Variants in TENM2 observed in about 807,000 individuals in gnomAD.
The protein encoded by TENM2 is teneurin transmembrane protein 2.
In TENM2, 52 loss-of-function variants were observed where a neutral mutation model predicts 245.2. That is an observed-to-expected ratio of 0.21 (90% CI 0.17 to 0.27). The LOEUF (loss-of-function observed/expected upper bound fraction) is 0.27, where lower values mean the gene tolerates loss of function less well. Among genes scored for constraint, TENM2 ranks in the 10% least tolerant of loss-of-function variants. The pLI, the probability that TENM2 is intolerant of heterozygous loss-of-function variation, is 1.00. For synonymous variants in TENM2, 1,363 were observed against 1,438.9 expected (o/e 0.95, Z 1.19); for missense variants, 3,046 against 3,666.8 (o/e 0.83, Z 4.37).
At chr5:167,445,562 A>C (rs1292541330) in intron 2 of TENM2, among the ~76,000 whole-genome samples, 5 of 152,152 alleles carry the variant, frequency 3.3e-5, no homozygotes, top group Non-Finnish European at 5.9e-5. Context: ...AAATTGTTTT[A>C]AATGGAACTT....
chr5:167,592,728 G>T (rs1461494786), intron 2 of TENM2, among the ~76,000 whole-genome samples: 1 of 152,128 alleles, frequency 6.6e-6, no homozygotes, highest in Non-Finnish European at 1.5e-5. Context: ...CATATTCAAA[G>T]TTATGTGGAC....
intron 3 of TENM2, among the ~76,000 whole-genome samples, chr5:167,932,684 A>AT (rs1043185163): frequency 2.6e-5 from 4 of 151,748 alleles, no homozygotes; most frequent in African/African-American, 9.7e-5. Flanking sequence ...AGAATCAGCA[A>AT]TTTTTTTTTC....
chr5:167,722,615 A>T (rs769997864), intron 2 of TENM2, among the ~76,000 whole-genome samples: 7 of 152,128 alleles, frequency 4.6e-5, no homozygotes, highest in Non-Finnish European at 8.8e-5. Context: ...CTCTACTAAA[A>T]ATACAAAAAT....
the TENM2 span, among the ~76,000 whole-genome samples, chr5:167,028,609 A>G: frequency 6.6e-6 from 1 of 152,102 alleles, no homozygotes; most frequent in Admixed American, 6.6e-5. Context: ...AAAACAATAT[A>G]TTAGATATAT....
intron 2 of TENM2, among the ~76,000 whole-genome samples, chr5:167,692,621 A>T (rs1432047936): frequency 1.3e-5 from 2 of 152,196 alleles, no homozygotes; most frequent in Non-Finnish European, 2.9e-5. Flanking sequence ...ATATACCTCC[A>T]AGCCACTTCC....
intron 2 of TENM2, among the ~76,000 whole-genome samples, chr5:167,818,963 A>C (rs1318663997): frequency 6.6e-6 from 1 of 152,116 alleles, no homozygotes; most frequent in Non-Finnish European, 1.5e-5. Flanking sequence ...CAACACACTC[A>C]CGTGACATCA....
chr5:168,247,252 C>A lies in TENM2; in HGVS notation c.6313C>A (p.Pro2105Thr). The change falls in exon 27 of 29, where the codon CCC becomes ACC. Residue 2105 changes from proline (P) to threonine (T), a missense_variant. Around this residue, in one of 2 missense-constraint regions of TENM2, gnomAD observed 2,704 missense variants for 3,331.9 expected, o/e 0.81. Coordinates refer to ENST00000518659, the Ensembl canonical transcript of TENM2. The surrounding 1 kb of genome is among the most constrained non-coding windows in gnomAD (Gnocchi z 7.8). ...CAGCTTCCGCATCGCAAGCATCAAG[C>A]CCGTCATAAGTGAGACTCCCCTCCC... 2 of 1,613,948 alleles carry A rather than the reference C, an allele frequency of 1.2e-6. No homozygotes were observed. Among genetic ancestry groups the A allele is most frequent in the South Asian group, 2.2e-5 (2 of 91,078 alleles).
chr5:167,713,037 T>C (rs1326693634), intron 2 of TENM2, among the ~76,000 whole-genome samples: 1 of 152,186 alleles, frequency 6.6e-6, no homozygotes, highest in African/African-American at 2.4e-5. Flanking sequence ...TATGTATGTA[T>C]GAACATCCAT....
intron 3 of TENM2, among the ~76,000 whole-genome samples, chr5:167,913,446 C>G (rs1379751525): frequency 1.3e-5 from 2 of 152,166 alleles, no homozygotes; most frequent in Non-Finnish European, 2.9e-5. Context: ...CTTTTCTCGA[C>G]AGGATATTGG....
chr5:167,265,331 C>CAAA, the TENM2 span, among the ~76,000 whole-genome samples: 787 of 39,358 alleles, frequency 0.02, 74 homozygotes, highest in African/African-American at 0.059. Flanking sequence ...GACTCTGTCT[C>CAAA]AAAAAAAAAA....
the TENM2 span, among the ~76,000 whole-genome samples, chr5:167,242,610 T>G: frequency 6.6e-6 from 1 of 152,204 alleles, no homozygotes; most frequent in African/African-American, 2.4e-5. Context: ...TTTATGATGA[T>G]CCACTTTCAC....
chr5:168,258,230 A>C (rs192361019), intron 27 of TENM2, among the ~76,000 whole-genome samples: 2 of 152,230 alleles, frequency 1.3e-5, no homozygotes, highest in East Asian at 3.9e-4. Flanking sequence ...GGCCGGGTGC[A>C]GTGGCTCATG....
At chr5:167,238,188 A>G in the TENM2 span, among the ~76,000 whole-genome samples, 1 of 152,158 alleles carries the variant, frequency 6.6e-6, no homozygotes, top group African/African-American at 2.4e-5. Context: ...AGAGCGTTAT[A>G]CAATTAAAAT....
At chr5:167,570,237 C>G (rs1774178291) in intron 2 of TENM2, among the ~76,000 whole-genome samples, 1 of 152,084 alleles carries the variant, frequency 6.6e-6, no homozygotes, top group Non-Finnish European at 1.5e-5. Context: ...GCAAACAAAT[C>G]TGCACTTGAT....
chr5:167,929,993 C>G (rs1778155919), intron 3 of TENM2, among the ~76,000 whole-genome samples: 5 of 152,208 alleles, frequency 3.3e-5, no homozygotes, highest in Admixed American at 3.3e-4. Context: ...ACACTGTTAT[C>G]TTGCCAGAAA....
chr5:167,768,062 C>G (rs1280632420), intron 2 of TENM2, among the ~76,000 whole-genome samples: 1 of 152,190 alleles, frequency 6.6e-6, no homozygotes, highest in African/African-American at 2.4e-5. Context: ...TGTTCATTCT[C>G]TCCCTTATTA....
chr5:167,439,344 A>G (rs963168582), intron 2 of TENM2, among the ~76,000 whole-genome samples: 2 of 152,204 alleles, frequency 1.3e-5, no homozygotes, highest in African/African-American at 2.4e-5. Flanking sequence ...GCTTAGATAC[A>G]TGAATGGCGG....
rs191266879 is a variant in TENM2 at position 167,563,841 on chromosome 5, T to G, written c.502+188368T>G. 1.6e-4 allele frequency among the ~76,000 whole-genome samples: 24 copies of G among 152,356 alleles called. No homozygotes were observed. The East Asian group carries it at 4.6e-3, about 29-fold the overall frequency. On this transcript the variant is annotated intron_variant, in intron 2 of 28. Transcript: ENST00000518659. ...AGGACAGTAACATGCTGTACCGGTT[T>G]GAAGCCTGGTAGCAACAGGCTATGC...
At chr5:167,613,395 A>C (rs982653030) in intron 2 of TENM2, among the ~76,000 whole-genome samples, 3 of 152,150 alleles carry the variant, frequency 2.0e-5, no homozygotes, top group African/African-American at 7.2e-5. Flanking sequence ...GATGTATATT[A>C]CCAGTATCTT....
Sources: allele counts gnomAD v4.1 joint callset (sites outside exome capture counted in the v4.1 genomes callset), GRCh38; gene constraint gnomAD v4.1.1; regional missense constraint gnomAD v4.1.1; non-coding constraint Gnocchi (gnomAD v3.1); transcripts MANE v1.5; gene names NCBI Gene and HGNC (gene_info 2026-07-23, HGNC 2026-07-21).